The following RARRES1 variants were observed in gnomAD, a reference collection of about 807,000 sequenced individuals.
RARRES1 encodes the protein retinoic acid receptor responder 1.
RARRES1 carries 34 observed loss-of-function variants against 30.6 expected under a neutral mutation model. The ratio of observed to expected loss-of-function variants is 1.11; its 90% confidence interval spans 0.84 to 1.48. The LOEUF (loss-of-function observed/expected upper bound fraction) is 1.48. Among genes scored for constraint, RARRES1 ranks in the 40% most tolerant of loss-of-function variants. The pLI is 0.00. For synonymous variants in RARRES1, 153 were observed against 155.5 expected (o/e 0.98, Z 0.12); for missense variants, 373 against 386.5 (o/e 0.97, Z 0.29).
chr3:158,700,563 G>C (rs1252460753), intron 4 of RARRES1, among the ~76,000 whole-genome samples: 2 of 151,950 alleles, frequency 1.3e-5, no homozygotes, highest in Non-Finnish European at 2.9e-5. Context: ...TCCTTTAGGA[G>C]GAACCACCTT....
Position 158,723,485 on chromosome 3 carries a change from G to C in RARRES1, c.276+8655C>G, listed in dbSNP as rs1313087682. On this transcript the variant is annotated intron_variant, in intron 1 of 5. Coordinates refer to ENST00000237696, the MANE Select transcript of RARRES1 (RefSeq NM_206963.2). This position sits in a 1 kb window ranked among gnomAD's most constrained non-coding sequence, Gnocchi z 4.4. ...CATTTTATTGCATTTTCCTTCTCTC[G>C]GGCAAGGCCAGATAAAGCAAATACA... Among the ~76,000 whole-genome samples the C allele has an allele frequency of 1.3e-5, 2 of 152,088 alleles. No homozygotes were observed. Among genetic ancestry groups the C allele is most frequent in the East Asian group, 1.9e-4 (1 of 5,198 alleles).
At chr3:158,699,135 C>T (rs1243201252) in intron 4 of RARRES1, among the ~76,000 whole-genome samples, 3 of 152,142 alleles carry the variant, frequency 2.0e-5, no homozygotes, top group Admixed American at 1.3e-4. Context: ...GCTTGACCAT[C>T]GGGTAGATAA....
chr3:158,716,586 CTTT>C (rs55963290), intron 1 of RARRES1, among the ~76,000 whole-genome samples: 17 of 143,170 alleles, frequency 1.2e-4, no homozygotes, highest in Non-Finnish European at 1.2e-4. Flanking sequence ...AGGAAGCACT[CTTT>C]TTTTTTTTTT....
At chr3:158,711,665 G>A (rs564674281) in intron 2 of RARRES1, among the ~76,000 whole-genome samples, 5 of 146,178 alleles carry the variant, frequency 3.4e-5, no homozygotes, top group Middle Eastern at 3.6e-3. Flanking sequence ...GCACGATCTC[G>A]GCTTACTGCA....
chr3:158,697,126 A>G lies in RARRES1; in HGVS notation c.*552T>C, dbSNP rs1183648472. 2.0e-5 allele frequency: 3 copies of G among 152,228 alleles called. No individual in the cohort carries two copies. The highest frequency in any genetic ancestry group is 4.4e-5 in the Non-Finnish European group (3 of 68,034). 9.4% of individuals were successfully genotyped at this position (152,228 alleles called of 1,614,324 possible). ...CATTTCATTATTTAGAAATGTAAAC[A>G]TTTATTTAAAAGTAGGTAGCAAGTT... On this transcript the variant is annotated 3_prime_UTR_variant, in exon 6 of 6. Coordinates refer to ENST00000237696, the MANE Select transcript of RARRES1 (RefSeq NM_206963.2).
At chr3:158,731,062 C>G (rs532350689) in intron 1 of RARRES1, among the ~76,000 whole-genome samples, 16 of 152,300 alleles carry the variant, frequency 1.1e-4, no homozygotes, top group African/African-American at 3.8e-4. Context: ...GGATTACAGG[C>G]GTGAGCCACC....
chr3:158,714,731 A>G lies in RARRES1; in HGVS notation c.277-872T>C, dbSNP rs564576196. ...TTGCCATCTTTTTTTTAAGAGAGCAAAATGATAAATCAGTAAAAGAAATAT... is the reference window on the plus strand; with the variant it reads ...TTGCCATCTTTTTTTTAAGAGAGCAGAATGATAAATCAGTAAAAGAAATAT... On this transcript the variant is annotated intron_variant, in intron 1 of 5. Transcript: ENST00000237696. Among the ~76,000 whole-genome samples, 3 of 152,354 alleles carry G rather than the reference A, an allele frequency of 2.0e-5. No homozygotes were observed. The South Asian group carries it at 6.2e-4, about 32-fold the overall frequency.
chr3:158,713,088 C>T (rs1727195824), intron 2 of RARRES1, among the ~76,000 whole-genome samples: 2 of 152,136 alleles, frequency 1.3e-5, no homozygotes, highest in South Asian at 4.1e-4. Flanking sequence ...AACTCTGCCA[C>T]CCTGGAACAC....
chr3:158,728,516 C>CTTTTTTTTTTTTTT (rs755791546), intron 1 of RARRES1, among the ~76,000 whole-genome samples: 26 of 133,926 alleles, frequency 1.9e-4, no homozygotes, highest in African/African-American at 6.9e-4. Context: ...CTTTTTCTTT[C>CTTTTTTTTTTTTTT]TTTTTTTTTT....
At chr3:158,727,004 C>T (rs79303235) in intron 1 of RARRES1, among the ~76,000 whole-genome samples, 26,464 of 152,118 alleles carry the variant, frequency 0.17, 2,475 homozygotes, top group African/African-American at 0.23. Flanking sequence ...CTCTTGCTCC[C>T]GTTCTTGCCA....
chr3:158,728,763 A>ATC (rs1223423712), intron 1 of RARRES1, among the ~76,000 whole-genome samples: 3 of 151,994 alleles, frequency 2.0e-5, no homozygotes, highest in African/African-American at 7.3e-5. Context: ...ACCTCAAGTG[A>ATC]TCTGCTTGCC....
intron 1 of RARRES1, among the ~76,000 whole-genome samples, chr3:158,716,863 C>T (rs1035537678): frequency 2.6e-5 from 4 of 152,184 alleles, no homozygotes; most frequent in African/African-American, 9.7e-5. Context: ...GGATTATAGG[C>T]GTGACTCACT....
Position 158,698,858 on chromosome 3 carries a change from G to A in RARRES1, c.673-888C>T, listed in dbSNP as rs775392222. ...AACAATTTTTTTCTTTTCTCTTTCA[G>A]CCTTTTTCCCTGTTCTCTACTTCCT... On this transcript the variant is annotated intron_variant, in intron 4 of 5. Transcript: ENST00000237696. Among the ~76,000 whole-genome samples the A allele has an allele frequency of 3.0e-4, 45 of 152,062 alleles. 1 individual carries two copies. Among genetic ancestry groups the A allele is most frequent in the Admixed American group, 5.2e-4 (8 of 15,284 alleles).
intron 4 of RARRES1, among the ~76,000 whole-genome samples, chr3:158,702,914 A>G (rs1030250562): frequency 2.0e-5 from 3 of 152,236 alleles, no homozygotes; most frequent in Admixed American, 1.3e-4. Context: ...TGTGTGTTGT[A>G]CATGTGGTCT....
chr3:158,697,087 G>A lies in RARRES1; in HGVS notation c.*591C>T, dbSNP rs982009893. The A allele has an allele frequency of 2.0e-5, 3 of 151,978 alleles. No homozygotes were observed. Among genetic ancestry groups the A allele is most frequent in the Admixed American group, 6.5e-5 (1 of 15,268 alleles). The allele number at this position is 151,978 out of a possible 1,614,324, so 9.4% of individuals were successfully genotyped here. ...TTTTCCTTTGTATACAAATCTTCAC[G>A]AGAACATTCAACACATTTCATTATT... is the stretch of plus-strand genomic sequence containing the variant. On this transcript the variant is annotated 3_prime_UTR_variant, in exon 6 of 6. Transcript: ENST00000237696.
chr3:158,711,536 C>T (rs1342778511), intron 2 of RARRES1, among the ~76,000 whole-genome samples: 2 of 151,842 alleles, frequency 1.3e-5, no homozygotes, highest in African/African-American at 2.4e-5. Flanking sequence ...AATGGGGGCA[C>T]TGATCCACTG....
rs1258458320 is a variant in RARRES1 at position 158,732,442 on chromosome 3, C to G, written c.-27G>C. The G allele has an allele frequency of 1.3e-6, 2 of 1,517,832 alleles. No individual in the cohort carries two copies. The highest frequency in any genetic ancestry group is 1.4e-5 in the African/African-American group (1 of 70,360). 94.0% of individuals were successfully genotyped at this position (1,517,832 alleles called of 1,614,324 possible). Reference sequence around the variant, plus strand: ...GACGCAGGAAAGTTGGCTCGGCACCCGACAGACACGGGCTCGGAGCGGGCA... The same window carrying G: ...GACGCAGGAAAGTTGGCTCGGCACCGGACAGACACGGGCTCGGAGCGGGCA... On this transcript the variant is annotated 5_prime_UTR_variant, in exon 1 of 6. Coordinates refer to ENST00000237696, the MANE Select transcript of RARRES1 (RefSeq NM_206963.2).
rs1275575413 is a variant in RARRES1 at position 158,732,143 on chromosome 3, C to T, written c.273G>A (p.Ala91=). The change falls in exon 1 of 6, where the codon GCG becomes GCA. Residue 91 remains alanine, a synonymous_variant. Transcript: ENST00000237696. ...CGGCGCGTCGCTCCGCACTCACCCA[C>T]GCGCGGCCCTCCTGCACCTCGGCCA... ...RVLAEVQEGR[A]WINPKEGCKV... is the part of the protein sequence containing the mutation. The T allele has an allele frequency of 5.1e-6, 7 of 1,376,454 alleles. No individual in the cohort carries two copies. In the South Asian group the frequency reaches 8.6e-5, roughly 17 times the overall value. The allele number at this position is 1,376,454 out of a possible 1,614,324, so 85.3% of individuals were successfully genotyped here.
rs763139065 is a variant in RARRES1 at position 158,696,926 on chromosome 3, A to G, written c.*752T>C. The G allele has an allele frequency of 3.3e-5, 5 of 152,382 alleles. No homozygotes were observed. Among genetic ancestry groups the G allele is most frequent in the Non-Finnish European group, 7.3e-5 (5 of 68,050 alleles). The allele number at this position is 152,382 out of a possible 1,614,324, so 9.4% of individuals were successfully genotyped here. ...TAAATGAAAATTGTAAATATTTAAT[A>G]TACTTTCAGTTACATCAGTGTTTCT... On this transcript the variant is annotated 3_prime_UTR_variant, in exon 6 of 6. Coordinates refer to ENST00000237696, the MANE Select transcript of RARRES1 (RefSeq NM_206963.2).
Sources: gnomAD v4.1 joint callset for allele counts (sites outside exome capture counted in the v4.1 genomes callset) on GRCh38, gnomAD v4.1.1 for gene constraint, Gnocchi (gnomAD v3.1) non-coding constraint, MANE v1.5 for transcripts, NCBI Gene and HGNC (gene_info 2026-07-23, HGNC 2026-07-21) for gene names.